Variants in TRAPPC9 observed in about 807,000 individuals in gnomAD.
The protein encoded by TRAPPC9 is trafficking protein particle complex subunit 9, also known as IKK2 binding protein.
A neutral mutation model predicts 124.0 loss-of-function variants in TRAPPC9; 83 were observed. The observed-to-expected ratio is 0.67, with a 90% CI of 0.56 to 0.80. TRAPPC9 has a LOEUF of 0.80. TRAPPC9 is among the 30% of genes least tolerant of loss of function. TRAPPC9 has a pLI of 0.00. For synonymous variants in TRAPPC9, 638 were observed against 617.5 expected, an observed-to-expected ratio of 1.03 and a Z score of -0.49; for missense variants, 1,302 against 1,508.3, an observed-to-expected ratio of 0.86 and a Z score of 2.27.
intron 17 of TRAPPC9, among the ~76,000 whole-genome samples, chr8:140,220,777 C>T (rs573654831): frequency 6.6e-6 from 1 of 152,302 alleles, no homozygotes; most frequent in South Asian, 2.1e-4. Flanking sequence ...GGACTGTAAA[C>T]AGCATCCCAA....
chr8:139,875,799 C>CGGAG (rs1377099919), intron 21 of TRAPPC9, among the ~76,000 whole-genome samples: 2 of 152,248 alleles, frequency 1.3e-5, no homozygotes, highest in Non-Finnish European at 2.9e-5. Context: ...CCCCAGTGGG[C>CGGAG]GGAGGCTCCT....
chr8:140,458,500 C>T (rs747759911), upstream of TRAPPC9: 1 of 1,578,728 alleles, frequency 6.3e-7, no homozygotes, highest in South Asian at 1.2e-5. Flanking sequence ...ACGTGAGGTG[C>T]GAGCCCCAGC....
At position 139,882,189 on chromosome 8, in the gene TRAPPC9, C is replaced by T. The variant is rs558954341; in HGVS notation, c.3055+3690G>A. ...TTATAATAAATCATTGCTTTGCAGGCGGTAGGGATTTATGGAGTGCCAGAC... is the reference window on the plus strand; with the variant it reads ...TTATAATAAATCATTGCTTTGCAGGTGGTAGGGATTTATGGAGTGCCAGAC... On this transcript the variant is annotated intron_variant, in intron 21 of 22. Coordinates refer to ENST00000438773, the MANE Select transcript of TRAPPC9 (RefSeq NM_001160372.4). 8.2e-4 allele frequency among the ~76,000 whole-genome samples: 125 copies of T among 152,278 alleles called. 2 individuals are homozygous for T. The highest frequency in any genetic ancestry group is 3.2e-4 in the Non-Finnish European group (22 of 68,016).
intron 17 of TRAPPC9, among the ~76,000 whole-genome samples, chr8:140,105,086 T>C (rs1413434221): frequency 1.3e-5 from 2 of 152,128 alleles, no homozygotes; most frequent in Non-Finnish European, 2.9e-5. Flanking sequence ...ACAGACCTGG[T>C]CCATCCTCTT....
intron 21 of TRAPPC9, among the ~76,000 whole-genome samples, chr8:139,824,197 T>G (rs1439875269): frequency 1.3e-5 from 2 of 152,220 alleles, no homozygotes; most frequent in Admixed American, 6.5e-5. Flanking sequence ...TTCTGGGTCT[T>G]GGAACTAGCC....
intron 7 of TRAPPC9, among the ~76,000 whole-genome samples, chr8:140,386,090 C>A (rs139894456): frequency 0.034 from 5,177 of 152,046 alleles, 187 homozygotes; most frequent in African/African-American, 0.091. Flanking sequence ...CAATAGATGC[C>A]GAAAAGGCCT....
intron 17 of TRAPPC9, among the ~76,000 whole-genome samples, chr8:140,061,531 G>A (rs1161745411): frequency 2.0e-5 from 3 of 152,162 alleles, no homozygotes; most frequent in African/African-American, 7.2e-5. Flanking sequence ...TGACAGGCTT[G>A]GCAGCGTGCC....
At chr8:139,964,976 G>T (rs1346479185) in intron 19 of TRAPPC9, among the ~76,000 whole-genome samples, 5 of 152,122 alleles carry the variant, frequency 3.3e-5, no homozygotes, top group Non-Finnish European at 5.9e-5. Context: ...CTCTCCTACT[G>T]ATCCACTGGA....
intron 19 of TRAPPC9, among the ~76,000 whole-genome samples, chr8:139,939,059 C>T (rs1459794601): frequency 1.3e-5 from 2 of 152,342 alleles, no homozygotes; most frequent in East Asian, 1.9e-4. Flanking sequence ...AGGGAATGCC[C>T]ACTGTTCTCC....
chr8:140,343,588 G>A (rs2067255923), intron 9 of TRAPPC9, among the ~76,000 whole-genome samples: 1 of 152,192 alleles, frequency 6.6e-6, no homozygotes, highest in Non-Finnish European at 1.5e-5. Context: ...GTGAGGAGGG[G>A]AAAGAAGGGA....
In TRAPPC9 at chr8:139,994,189, G is replaced by A. The variant is rs1837822050; in HGVS notation, c.2700-5353C>T. Among the ~76,000 whole-genome samples the A allele has an allele frequency of 2.0e-5, 3 of 152,248 alleles. No individual in the cohort carries two copies. In the South Asian group the frequency reaches 6.2e-4, roughly 31 times the overall value. ...GAAGGGATGCCAGGAAGCATGTAGA[G>A]TAGGCAAAGTGGGGCAGCAGAGGAG... On this transcript the variant is annotated intron_variant, in intron 18 of 22. Coordinates refer to ENST00000438773, the MANE Select transcript of TRAPPC9 (RefSeq NM_001160372.4).
At chr8:140,436,642 T>G (rs796854954) in intron 3 of TRAPPC9, among the ~76,000 whole-genome samples, 9 of 152,210 alleles carry the variant, frequency 5.9e-5, no homozygotes, top group African/African-American at 2.2e-4. Flanking sequence ...TGTGTGCCCT[T>G]TAGGAGCCCT....
chr8:139,786,033 C>T (rs1822213621), intron 21 of TRAPPC9, among the ~76,000 whole-genome samples: 1 of 151,642 alleles, frequency 6.6e-6, no homozygotes, highest in South Asian at 2.1e-4. Flanking sequence ...ATGGTGAAAC[C>T]CCGTCTCTAT....
At chr8:140,140,919 C>T (rs1330878754) in intron 17 of TRAPPC9, among the ~76,000 whole-genome samples, 1 of 152,196 alleles carries the variant, frequency 6.6e-6, no homozygotes, top group Non-Finnish European at 1.5e-5. Context: ...CTACTACTTT[C>T]CCTCGCAATA....
chr8:139,870,955 T>C (rs993842193), intron 21 of TRAPPC9, among the ~76,000 whole-genome samples: 11 of 151,898 alleles, frequency 7.2e-5, no homozygotes, highest in African/African-American at 2.7e-4. Flanking sequence ...AAGTGGGGAG[T>C]GGGGCAGTGC....
chr8:139,746,824 C>T (rs1229374262), intron 21 of TRAPPC9, among the ~76,000 whole-genome samples: 1 of 152,248 alleles, frequency 6.6e-6, no homozygotes, highest in Admixed American at 6.5e-5. Flanking sequence ...CATTGGGCAT[C>T]CATGGCAGAC....
In TRAPPC9 at chr8:140,122,023, T is replaced by TCTCTCTCTCTCTC. The variant is rs1563777112; in HGVS notation, c.2557-97945_2557-97944insGAGAGAGAGAGAG. 1.8e-3 allele frequency among the ~76,000 whole-genome samples: 245 copies of TCTCTCTCTCTCTC among 138,510 alleles called. 3 individuals carry two copies. Among genetic ancestry groups the TCTCTCTCTCTCTC allele is most frequent in the Middle Eastern group, 7.7e-3 (2 of 260 alleles). The allele number at this position is 138,510 out of a possible 152,430, so 90.9% of individuals were successfully genotyped here. A position where few individuals can be genotyped will look rare whatever the true frequency, so the allele number is the denominator to read the frequency against. The stretch of plus-strand genomic sequence containing the variant: ...GGAGTCCATCTCTTTCTTTCTTTCT[T>TCTCTCTCTCTCTC]TCTCTCTCTCTCTCTCTCTCTCTCT... On this transcript the variant is annotated intron_variant, in intron 17 of 22. Transcript: ENST00000438773.
At chr8:140,444,551 A>G (rs2071169301) in intron 2 of TRAPPC9, among the ~76,000 whole-genome samples, 1 of 151,924 alleles carries the variant, frequency 6.6e-6, no homozygotes, top group African/African-American at 2.4e-5. Context: ...TAAAACCCCT[A>G]ACTCCGTGGA....
At chr8:139,761,060 G>T (rs776191848) in intron 21 of TRAPPC9, among the ~76,000 whole-genome samples, 1 of 152,200 alleles carries the variant, frequency 6.6e-6, no homozygotes. Flanking sequence ...AGGCCTCCCT[G>T]GGCCAACAGC....
Sources: allele counts gnomAD v4.1 joint callset (sites outside exome capture counted in the v4.1 genomes callset), GRCh38; gene constraint gnomAD v4.1.1; transcripts MANE v1.5; gene names NCBI Gene and HGNC (gene_info 2026-07-23, HGNC 2026-07-21).